DNAH8: variants seen among roughly 807,000 people sequenced by gnomAD.
The protein encoded by DNAH8 is dynein axonemal heavy chain 8, also known as axonemal beta dynein heavy chain 8.
In DNAH8, 382 loss-of-function variants were observed where a neutral mutation model predicts 562.1. The ratio of observed to expected loss-of-function variants is 0.68; its 90% CI spans 0.63 to 0.74. The LOEUF (loss-of-function observed/expected upper bound fraction) is 0.74, where lower values mean the gene tolerates loss of function less well. Among genes scored for constraint, DNAH8 ranks in the 30% least tolerant of loss-of-function variants. DNAH8 has a pLI of 0.00. For missense variants in DNAH8, 5,203 were observed against 5,620.4 expected (o/e 0.93, Z 2.37); for synonymous variants, 1,881 against 1,919.4 (o/e 0.98, Z 0.52).
intron 89 of DNAH8, among the ~76,000 whole-genome samples, chr6:39,009,593 CCAGA>C (rs1766047213): frequency 6.6e-6 from 1 of 152,110 alleles, no homozygotes; most frequent in African/African-American, 2.4e-5. Flanking sequence ...TCATTACAAG[CCAGA>C]CACTGTCCGA....
At chr6:38,872,364 G>C (rs1433074305) in intron 49 of DNAH8, among the ~76,000 whole-genome samples, 172 bp from the exon 50 acceptor site, 2 of 152,132 alleles carry the variant, frequency 1.3e-5, no homozygotes, top group Non-Finnish European at 2.9e-5. Context: ...TTATAACGTG[G>C]TGCTCATTTG....
At chr6:38,929,188 T>C (rs1459688979) in intron 74 of DNAH8, among the ~76,000 whole-genome samples, 1 of 152,176 alleles carries the variant, frequency 6.6e-6, no homozygotes, top group Admixed American at 6.6e-5. Context: ...CGATTATAGC[T>C]ATGTAAGTTT....
intron 91 of DNAH8, among the ~76,000 whole-genome samples, chr6:39,015,810 A>C (rs1766529634): frequency 6.6e-6 from 1 of 151,912 alleles, no homozygotes; most frequent in Non-Finnish European, 1.5e-5. Context: ...TTAGACTTTG[A>C]TTCTTTCTCT....
Position 38,734,637 on chromosome 6 carries a change from A to G in DNAH8, c.762+12A>G. 6.2e-7 allele frequency: 1 copy of G among 1,607,934 alleles called. No homozygotes were observed. The highest frequency in any genetic ancestry group is 8.5e-7 in the Non-Finnish European group (1 of 1,178,472). ...AAACTATTCAAGAGGTATGTTTAAA[A>G]ATTTCCCCAAATACATAGTTAAACA... On this transcript the variant is annotated intron_variant, in intron 5 of 92. Coordinates refer to ENST00000327475, the MANE Select transcript of DNAH8 (RefSeq NM_001206927.2).
chr6:38,870,328 A>G (rs1777370334), intron 48 of DNAH8, 73 bp from the exon 49 acceptor site: 2 of 1,367,948 alleles, frequency 1.5e-6, no homozygotes, highest in Non-Finnish European at 2.1e-6. Flanking sequence ...GATAAGTACT[A>G]TGCACATCCC....
At chr6:38,958,088 G>A (rs112187817) in intron 82 of DNAH8, among the ~76,000 whole-genome samples, 148 of 144,734 alleles carry the variant, frequency 1.0e-3, no homozygotes, top group Non-Finnish European at 1.9e-3. Context: ...TGCAAGCTCC[G>A]CCTCCTGGGT....
chr6:38,961,195 A>G (rs1762584782), intron 82 of DNAH8, among the ~76,000 whole-genome samples: 1 of 152,000 alleles, frequency 6.6e-6, no homozygotes, highest in Admixed American at 6.6e-5. Context: ...GAGGGGAGGA[A>G]GAATGATTTC....
chr6:38,798,514 G>A (rs1371262295), intron 21 of DNAH8, among the ~76,000 whole-genome samples: 3 of 152,120 alleles, frequency 2.0e-5, no homozygotes, highest in Non-Finnish European at 2.9e-5. Context: ...TTCATGACGT[G>A]TTATAGAGGT....
At chr6:38,761,507 G>T (rs1766512002) in intron 10 of DNAH8, among the ~76,000 whole-genome samples, 195 bp from the exon 11 acceptor site, 1 of 150,956 alleles carries the variant, frequency 6.6e-6, no homozygotes, top group Non-Finnish European at 1.5e-5. Context: ...TGTTTCCCAG[G>T]CTGGCTTTGA....
intron 14 of DNAH8, among the ~76,000 whole-genome samples, chr6:38,779,562 A>G (rs748716045): frequency 6.6e-6 from 1 of 152,204 alleles, no homozygotes; most frequent in Non-Finnish European, 1.5e-5. Context: ...ATGGAATTAT[A>G]TGGAATTAAC....
intron 5 of DNAH8, 95 bp downstream of exon 5, chr6:38,734,720 A>G: frequency 1.5e-6 from 2 of 1,349,650 alleles, no homozygotes; most frequent in Non-Finnish European, 1.0e-6. Context: ...TTTTAAATAT[A>G]GGACTGAATT....
intron 30 of DNAH8, 65 bp downstream of exon 30, chr6:38,828,353 T>G: frequency 5.2e-6 from 5 of 969,834 alleles, no homozygotes; most frequent in Non-Finnish European, 7.6e-6. Context: ...AAAGGTATTT[T>G]ATACCTTTTT....
Position 38,750,466 on chromosome 6 carries a change from T to A in DNAH8, c.1294-10T>A, listed in dbSNP as rs756358552. ...ATGTTTCATAGAATTCTTATACCTT[T>A]TTTTCTTAGAATTGGCGTGATTTGG... On this transcript the variant is annotated splice_polypyrimidine_tract_variant and intron_variant, in intron 8 of 92. Transcript: ENST00000327475. The A allele has an allele frequency of 6.3e-7, 1 of 1,589,766 alleles. No individual in the cohort carries two copies. Among genetic ancestry groups the A allele is most frequent in the Non-Finnish European group, 8.6e-7 (1 of 1,161,840 alleles).
Position 38,960,518 on chromosome 6 carries a change from A to C in DNAH8, c.12451+8998A>C, listed in dbSNP as rs190878866. Among the ~76,000 whole-genome samples, 310 of 152,182 alleles carry C rather than the reference A, an allele frequency of 2.0e-3. 2 individuals are homozygous for C. Among genetic ancestry groups the C allele is most frequent in the East Asian group, 2.7e-3 (14 of 5,190 alleles). On this transcript the variant is annotated intron_variant, in intron 82 of 92. Transcript: ENST00000327475. The stretch of plus-strand genomic sequence containing the variant: ...ATATAAATTGCAAAAAGATATATGA[A>C]AAAGGCTGAACATAATTGGTCATCA...
chr6:38,943,073 G>A (rs1193374948), intron 79 of DNAH8, among the ~76,000 whole-genome samples: 1 of 152,202 alleles, frequency 6.6e-6, no homozygotes, highest in African/African-American at 2.4e-5. Context: ...ATACTGTATA[G>A]GGCCAGGAGA....
In DNAH8 at chr6:38,913,234, A is replaced by G. The variant is rs566938970; in HGVS notation, c.9860-615A>G. Among the ~76,000 whole-genome samples, 13 of 152,338 alleles carry G rather than the reference A, an allele frequency of 8.5e-5. No homozygotes were observed. In the South Asian group the frequency reaches 1.9e-3, roughly 22 times the overall value. ...AATCAGCCATGGTGGGAGTGTTTAC[A>G]CTACAGAAATTGGACAATATACAGA... On this transcript the variant is annotated intron_variant, in intron 66 of 92. Transcript: ENST00000327475.
chr6:38,936,354 A>C (rs1379627388), intron 77 of DNAH8: 1 of 152,190 alleles, frequency 6.6e-6, no homozygotes, highest in Admixed American at 6.5e-5. Flanking sequence ...TGGGCAGCCA[A>C]ATCATCATGC....
At position 38,862,571 on chromosome 6, in the gene DNAH8, T is replaced by C. The variant is rs1385961937; in HGVS notation, c.6310+113T>C. Reference sequence around the variant, plus strand: ...TGATCTCATATAATCTACATTAGTATGGGTTGATCCGTATGATATTGCCAT... The same window carrying C: ...TGATCTCATATAATCTACATTAGTACGGGTTGATCCGTATGATATTGCCAT... On this transcript the variant is annotated intron_variant, in intron 44 of 92. Transcript: ENST00000327475. The C allele has an allele frequency of 4.0e-6, 5 of 1,262,288 alleles. No homozygotes were observed. In the African/African-American group the frequency reaches 7.6e-5, roughly 19 times the overall value. The allele number at this position is 1,262,288 out of a possible 1,614,324, so 78.2% of individuals were successfully genotyped here.
At chr6:38,949,788 A>G (rs962970300) in intron 81 of DNAH8, among the ~76,000 whole-genome samples, 73 of 152,208 alleles carry the variant, frequency 4.8e-4, no homozygotes, top group African/African-American at 1.7e-3. Context: ...GCAAAATAAA[A>G]TGGTGATGGT....
Sources: gnomAD v4.1 joint callset for allele counts (sites outside exome capture counted in the v4.1 genomes callset) on GRCh38, gnomAD v4.1.1 for gene constraint, MANE v1.5 for transcripts, NCBI Gene and HGNC (gene_info 2026-07-23, HGNC 2026-07-21) for gene names.